INSC: variants seen among roughly 807,000 people sequenced by gnomAD.
INSC encodes the protein INSC spindle orientation adaptor protein, also known as protein inscuteable homolog.
INSC carries 67 observed loss-of-function variants against 58.6 expected under a neutral mutation model. That is an observed-to-expected ratio of 1.14 (90% confidence interval 0.94 to 1.40). The LOEUF is 1.40. INSC is among the 40% of genes most tolerant of loss of function. The pLI, the probability that INSC is intolerant of heterozygous loss-of-function variation, is 0.00. For missense variants in INSC, 714 were observed against 692.0 expected (o/e 1.03, Z -0.36); for synonymous variants, 262 against 276.1 (o/e 0.95, Z 0.51).
chr11:15,177,067 T>G, intron 3 of INSC, 44 bp from the exon 4 acceptor site: 1 of 1,537,068 alleles, frequency 6.5e-7, no homozygotes, highest in Non-Finnish European at 9.0e-7. Flanking sequence ...TGGTCCTCAG[T>G]TAATGCTTAC....
intron 2 of INSC, among the ~76,000 whole-genome samples, chr11:15,153,732 C>A (rs1037293841): frequency 3.4e-4 from 52 of 151,964 alleles, no homozygotes; most frequent in African/African-American, 1.1e-3. Flanking sequence ...GTGCTGGGAA[C>A]CGAGTTCATA....
chr11:15,215,413 G>A (rs1024512173), intron 7 of INSC, among the ~76,000 whole-genome samples: 1 of 152,136 alleles, frequency 6.6e-6, no homozygotes, highest in Non-Finnish European at 1.5e-5. Flanking sequence ...GCTACTCCTG[G>A]GCCCATCATG....
chr11:15,262,169 C>T, the INSC span, among the ~76,000 whole-genome samples: 2 of 152,038 alleles, frequency 1.3e-5, no homozygotes, highest in East Asian at 1.9e-4. Flanking sequence ...GGGCAAGGTG[C>T]CTGGAGCTTC....
upstream of INSC, chr11:15,112,274 G>A: frequency 2.1e-6 from 1 of 476,556 alleles, no homozygotes; most frequent in African/African-American, 2.0e-5. Flanking sequence ...AGACAGAGGG[G>A]AGGGGGTCGA....
chr11:15,193,338 C>T (rs559989690), intron 6 of INSC, among the ~76,000 whole-genome samples: 1 of 152,192 alleles, frequency 6.6e-6, no homozygotes, highest in Admixed American at 6.5e-5. Flanking sequence ...TACATGTGCA[C>T]AACGTGCAGG....
At position 15,239,124 on chromosome 11, in the gene INSC, G is replaced by T. The variant is rs184116564; in HGVS notation, c.1393+50G>T. ...CTGGAGTGGAGTGGGGGTATTGGGG[G>T]TGGGAGCAGCTCTGATTTCACAGTG... On this transcript the variant is annotated intron_variant, in intron 11 of 12. Coordinates refer to ENST00000379556, the MANE Select transcript of INSC (RefSeq NM_001042536.3). The T allele has an allele frequency of 3.0e-4, 465 of 1,571,300 alleles. 4 individuals are homozygous for T. The African/African-American group carries it at 5.7e-3, about 19-fold the overall frequency.
intron 1 of INSC, among the ~76,000 whole-genome samples, chr11:15,123,914 T>C (rs1449911186): frequency 1.3e-5 from 2 of 152,190 alleles, no homozygotes; most frequent in Admixed American, 1.3e-4. Context: ...AACACTGCAC[T>C]AGACATATGC....
At position 15,175,904 on chromosome 11, in the gene INSC, C is replaced by T. The variant is rs1463320279; in HGVS notation, c.220C>T (p.Leu74=). The change falls in exon 3 of 13, where the codon CTG becomes TTG. Residue 74 remains leucine (L), a synonymous_variant. Coordinates refer to ENST00000379556, the MANE Select transcript of INSC (RefSeq NM_001042536.3). ...AGGTGGCCCTGGCCCTGGAGACCCCCTGCAGCTGCTGCTCAAACGGGGTTG... is the reference window on the plus strand; with the variant it reads ...AGGTGGCCCTGGCCCTGGAGACCCCTTGCAGCTGCTGCTCAAACGGGGTTG... ...LAGGPGPGDP[L]QLLLKRGWVI... is the part of the protein sequence containing the mutation. 1 of 1,614,172 alleles carries T rather than the reference C, an allele frequency of 6.2e-7. No individual in the cohort carries two copies. Among genetic ancestry groups the T allele is most frequent in the South Asian group, 1.1e-5 (1 of 91,086 alleles).
the INSC span, among the ~76,000 whole-genome samples, chr11:15,258,121 T>A: frequency 6.6e-6 from 1 of 152,168 alleles, no homozygotes; most frequent in Non-Finnish European, 1.5e-5. Flanking sequence ...GACATACGGG[T>A]GTTTGTTATA....
intron 2 of INSC, among the ~76,000 whole-genome samples, chr11:15,170,494 A>G (rs1167769502): frequency 6.6e-6 from 1 of 152,132 alleles, no homozygotes; most frequent in Non-Finnish European, 1.5e-5. Context: ...GACTGAGGCT[A>G]CGTGTCCTAG....
intron 6 of INSC, 94 bp from the exon 7 acceptor site, chr11:15,200,730 G>A (rs770471722): frequency 8.3e-6 from 13 of 1,566,694 alleles, no homozygotes; most frequent in Non-Finnish European, 1.1e-5. Context: ...GGACCCGAAA[G>A]CATATCTGGC....
intron 10 of INSC, among the ~76,000 whole-genome samples, chr11:15,236,512 G>A (rs941120466): frequency 6.6e-6 from 1 of 152,236 alleles, no homozygotes; most frequent in African/African-American, 2.4e-5. Context: ...CTCACTGAGT[G>A]CATCTCTTCT....
At chr11:15,127,223 C>T (rs1054187106) in intron 1 of INSC, among the ~76,000 whole-genome samples, 1 of 152,242 alleles carries the variant, frequency 6.6e-6, no homozygotes, top group Non-Finnish European at 1.5e-5. Context: ...CCTGAGGCTG[C>T]TCCTGCAGGG....
the INSC span, among the ~76,000 whole-genome samples, chr11:15,260,490 A>G: frequency 6.6e-6 from 1 of 152,180 alleles, no homozygotes; most frequent in African/African-American, 2.4e-5. Context: ...TGAGGCTATT[A>G]TTTAATATCT....
intron 11 of INSC, 84 bp downstream of exon 11, chr11:15,239,158 G>T: frequency 6.7e-7 from 1 of 1,493,698 alleles, no homozygotes. Flanking sequence ...TGGCAACAGT[G>T]GACACAGGGC....
In INSC at chr11:15,178,373, G is replaced by T. The variant is rs774420513; in HGVS notation, c.505G>T (p.Val169Leu). The T allele has an allele frequency of 1.9e-6, 3 of 1,613,872 alleles. No individual in the cohort carries two copies. In the Admixed American group the frequency reaches 5.0e-5, roughly 27 times the overall value. Residue 169 changes from valine (V) to leucine (L), a missense_variant, in exon 5 of 13, where the codon GTG (valine) becomes TTG (leucine). Coordinates refer to ENST00000379556, the MANE Select transcript of INSC (RefSeq NM_001042536.3). ...EHVLKSMKACVSETLSMLGQH... is the reference protein window; with the variant it reads ...EHVLKSMKACLSETLSMLGQH... ...TGTCCTGAAGTCAATGAAGGCCTGCGTGAGTGAGACCCTGAGCATGCTGGG... is the reference window on the plus strand; with the variant it reads ...TGTCCTGAAGTCAATGAAGGCCTGCTTGAGTGAGACCCTGAGCATGCTGGG...
At chr11:15,113,861 G>C (rs1847630900), upstream of INSC, among the ~76,000 whole-genome samples, 1 of 152,282 alleles carries the variant, frequency 6.6e-6, no homozygotes, top group South Asian at 2.1e-4. Context: ...GGAAGAGAAG[G>C]CTGCAGTGGG....
At position 15,246,108 on chromosome 11, in the gene INSC, T is replaced by C; in HGVS notation, c.*68T>C. On this transcript the variant is annotated 3_prime_UTR_variant, in exon 13 of 13. Transcript: ENST00000379556. ...CTCTGACTATGCACCAGTGAACACA[T>C]CTGAGTACATACCAGCTCTCCTCAT... The C allele has an allele frequency of 1.9e-6, 3 of 1,547,092 alleles. No individual in the cohort carries two copies. The highest frequency in any genetic ancestry group is 1.1e-5 in the South Asian group (1 of 87,824).
chr11:15,143,580 A>C (rs1039151684), intron 1 of INSC, among the ~76,000 whole-genome samples: 1 of 152,166 alleles, frequency 6.6e-6, no homozygotes, highest in Non-Finnish European at 1.5e-5. Flanking sequence ...ACAGGAAGCC[A>C]TTGAAGGATT....
Sources: gnomAD v4.1 joint callset for allele counts (sites outside exome capture counted in the v4.1 genomes callset) on GRCh38, gnomAD v4.1.1 for gene constraint, MANE v1.5 for transcripts, NCBI Gene and HGNC (gene_info 2026-07-23, HGNC 2026-07-21) for gene names.